SNX29: variants seen among roughly 807,000 people sequenced by gnomAD.
SNX29 encodes sorting nexin 29.
In SNX29, 78 loss-of-function variants were observed where a neutral mutation model predicts 102.1. The observed-to-expected ratio is 0.76, with a 90% CI of 0.64 to 0.92. SNX29 has a LOEUF of 0.92. Among genes scored for constraint, SNX29 ranks in the 40% least tolerant of loss-of-function variants. SNX29 has a pLI of 0.00. For synonymous variants in SNX29, 580 were observed against 414.5 expected (o/e 1.40, Z -4.85); for missense variants, 1,280 against 1,061.7 (o/e 1.21, Z -2.86).
At chr16:12,018,883 C>A (rs557912083) in intron 3 of SNX29, among the ~76,000 whole-genome samples, 1 of 151,620 alleles carries the variant, frequency 6.6e-6, no homozygotes, top group African/African-American at 2.4e-5. Context: ...CCACTGAGCC[C>A]GGCCTGGGGT....
intron 14 of SNX29, among the ~76,000 whole-genome samples, chr16:12,261,092 C>T (rs1847605460): frequency 3.5e-5 from 5 of 143,286 alleles, no homozygotes; most frequent in Non-Finnish European, 7.6e-5. Context: ...TGAGTGTTTG[C>T]TGAGGTGGGA....
intron 11 of SNX29, among the ~76,000 whole-genome samples, chr16:12,089,407 T>C (rs535509761): frequency 5.3e-5 from 8 of 152,216 alleles, no homozygotes; most frequent in Admixed American, 5.2e-4. Flanking sequence ...CATAGTATAA[T>C]ATGATCGCCA....
chr16:12,509,005 G>A (rs1001390083), intron 19 of SNX29, among the ~76,000 whole-genome samples: 5 of 151,986 alleles, frequency 3.3e-5, no homozygotes, highest in Admixed American at 1.3e-4. Context: ...CTCAGTTCCC[G>A]GCATCCAGCA....
chr16:12,197,596 A>G (rs2076809420), intron 13 of SNX29, among the ~76,000 whole-genome samples: 1 of 152,182 alleles, frequency 6.6e-6, no homozygotes, highest in African/African-American at 2.4e-5. Flanking sequence ...AAAAAAACAC[A>G]TGCTGTACAA....
intron 20 of SNX29, among the ~76,000 whole-genome samples, 175 bp from the exon 21 acceptor site, chr16:12,568,331 G>A (rs547575416): frequency 9.8e-5 from 14 of 142,810 alleles, no homozygotes; most frequent in African/African-American, 2.5e-4. Context: ...AAAGGTTTAC[G>A]TGACAATAGG....
intron 15 of SNX29, among the ~76,000 whole-genome samples, chr16:12,296,563 C>A (rs2079988451): frequency 6.6e-6 from 1 of 152,140 alleles, no homozygotes; most frequent in African/African-American, 2.4e-5. Flanking sequence ...CTGAAACAGC[C>A]CAAGACAATT....
chr16:12,568,927 G>GTA lies in SNX29; in HGVS notation c.*298_*299insTA. ...TGTTCCTCCACCTTTCTGTAGTTCAGGGCTGGCAGGAGGGTGGGCACCAGG... is the reference window on the plus strand; with the variant it reads ...TGTTCCTCCACCTTTCTGTAGTTCAGTAGGCTGGCAGGAGGGTGGGCACCAGG... On this transcript the variant is annotated 3_prime_UTR_variant, in exon 21 of 21. Coordinates refer to ENST00000566228, the MANE Select transcript of SNX29 (RefSeq NM_032167.5). 2.4e-6 allele frequency: 1 copy of GTA among 418,148 alleles called. No individual in the cohort carries two copies. Among genetic ancestry groups the GTA allele is most frequent in the South Asian group, 3.9e-5 (1 of 25,734 alleles). The allele number at this position is 418,148 out of a possible 1,614,324, so 25.9% of individuals were successfully genotyped here.
intron 20 of SNX29, among the ~76,000 whole-genome samples, chr16:12,555,986 G>A (rs1267625940): frequency 6.9e-6 from 1 of 144,318 alleles, no homozygotes; most frequent in South Asian, 2.2e-4. Flanking sequence ...CAATTTTCAA[G>A]TGTTTTTTTT....
intron 13 of SNX29, among the ~76,000 whole-genome samples, chr16:12,150,229 G>A (rs1415920108): frequency 6.6e-6 from 1 of 152,156 alleles, no homozygotes; most frequent in Non-Finnish European, 1.5e-5. Context: ...GGTCGGAGGG[G>A]CTGGAAGTTC....
intron 19 of SNX29, among the ~76,000 whole-genome samples, chr16:12,512,418 A>ATATATATATATAT (rs1555559124): frequency 6.6e-5 from 4 of 61,004 alleles, no homozygotes; most frequent in African/African-American, 7.2e-5. Context: ...ATATATATAT[A>ATATATATATATAT]GTTTTCGGTT....
intron 2 of SNX29, 84 bp downstream of exon 2, chr16:11,999,442 C>T: frequency 7.6e-7 from 1 of 1,321,224 alleles, no homozygotes; most frequent in Non-Finnish European, 1.1e-6. Flanking sequence ...CTATAACATA[C>T]ACAGACTAAC....
intron 3 of SNX29, among the ~76,000 whole-genome samples, chr16:12,015,277 C>T (rs953215249): frequency 2.0e-5 from 3 of 151,786 alleles, no homozygotes; most frequent in Admixed American, 2.0e-4. Context: ...GAGATGGTGT[C>T]TCACTCTGTC....
chr16:12,480,209 C>G (rs77476387), intron 19 of SNX29, among the ~76,000 whole-genome samples: 1 of 152,166 alleles, frequency 6.6e-6, no homozygotes, highest in Non-Finnish European at 1.5e-5. Context: ...TCTTACAATT[C>G]GAGAGGTCAG....
intron 4 of SNX29, among the ~76,000 whole-genome samples, chr16:12,035,836 G>A (rs991900138): frequency 6.6e-6 from 1 of 152,110 alleles, no homozygotes; most frequent in Non-Finnish European, 1.5e-5. Flanking sequence ...GCTCCCTTGT[G>A]ATTTTCTGGG....
chr16:12,067,411 C>T (rs540796330), intron 9 of SNX29, among the ~76,000 whole-genome samples: 51 of 152,230 alleles, frequency 3.4e-4, no homozygotes, highest in South Asian at 8.3e-4. Context: ...GGCACCGAGG[C>T]GTGCTCTCTC....
chr16:12,334,427 C>G (rs1596959130), intron 15 of SNX29, among the ~76,000 whole-genome samples: 2 of 152,232 alleles, frequency 1.3e-5, no homozygotes, highest in South Asian at 4.1e-4. Flanking sequence ...TTCGAATGTT[C>G]TTTTGTGTTC....
chr16:12,503,214 C>T (rs956636269), intron 19 of SNX29, among the ~76,000 whole-genome samples: 5 of 152,148 alleles, frequency 3.3e-5, no homozygotes, highest in African/African-American at 1.2e-4. Flanking sequence ...TCCAGTTCGT[C>T]CTCCTTTTCC....
At chr16:12,370,210 A>G (rs1329813854) in intron 16 of SNX29, among the ~76,000 whole-genome samples, 1 of 152,190 alleles carries the variant, frequency 6.6e-6, no homozygotes, top group Admixed American at 6.5e-5. Context: ...AGACAGAGCA[A>G]GACTCCATCT....
intron 16 of SNX29, among the ~76,000 whole-genome samples, chr16:12,380,784 C>CCCACCAT (rs1215347126): frequency 8.3e-5 from 5 of 60,126 alleles, no homozygotes; most frequent in Admixed American, 3.5e-4. Context: ...CATCCATCCA[C>CCCACCAT]CCATCCACCC....
Sources: allele counts gnomAD v4.1 joint callset (sites outside exome capture counted in the v4.1 genomes callset), GRCh38; gene constraint gnomAD v4.1.1; transcripts MANE v1.5; gene names NCBI Gene and HGNC (gene_info 2026-07-23, HGNC 2026-07-21).